Variants in RYR3 observed in about 807,000 individuals in gnomAD.
RYR3 encodes ryanodine receptor 3.
RYR3 carries 207 observed loss-of-function variants against 584.3 expected under a neutral mutation model. The observed-to-expected ratio is 0.35, with a 90% CI of 0.32 to 0.40. The LOEUF (loss-of-function observed/expected upper bound fraction) is 0.40, where lower values mean the gene tolerates loss of function less well. Among genes scored for constraint, RYR3 ranks in the 10% least tolerant of loss-of-function variants. The pLI is 1.00. For missense variants in RYR3, 5,616 were observed against 6,089.2 expected (o/e 0.92, Z 2.59); for synonymous variants, 2,416 against 2,248.5 (o/e 1.07, Z -2.11).
At chr15:33,632,139 C>T (rs547901260) in intron 23 of RYR3, among the ~76,000 whole-genome samples, 1 of 152,358 alleles carries the variant, frequency 6.6e-6, no homozygotes, top group East Asian at 1.9e-4. Flanking sequence ...TACAATAGAC[C>T]CTGCATCTCA....
chr15:33,770,717 G>A (rs1014157008), intron 62 of RYR3, among the ~76,000 whole-genome samples: 3 of 152,034 alleles, frequency 2.0e-5, no homozygotes, highest in Non-Finnish European at 4.4e-5. Context: ...CCTATGCAAC[G>A]GAGTGAGACC....
intron 2 of RYR3, among the ~76,000 whole-genome samples, chr15:33,489,893 TCTGA>T (rs2142485702): frequency 6.6e-6 from 1 of 151,458 alleles, no homozygotes; most frequent in African/African-American, 2.4e-5. Context: ...TAATGGCCGT[TCTGA>T]CTGAGATGGT....
intron 66 of RYR3, among the ~76,000 whole-genome samples, chr15:33,786,630 C>T (rs959761558): frequency 5.9e-5 from 9 of 152,098 alleles, no homozygotes; most frequent in Non-Finnish European, 1.2e-4. Context: ...AGTCAGGAAA[C>T]CACAAATATT....
intron 64 of RYR3, among the ~76,000 whole-genome samples, chr15:33,778,722 T>G (rs1417266330): frequency 1.3e-5 from 2 of 152,200 alleles, no homozygotes; most frequent in Non-Finnish European, 2.9e-5. Flanking sequence ...ATAGGACTGG[T>G]TTGTCCAAGG....
Position 33,657,200 on chromosome 15 carries a change from C to A in RYR3, c.4309-2520C>A, listed in dbSNP as rs148539126. 1.2e-4 allele frequency among the ~76,000 whole-genome samples: 19 copies of A among 152,292 alleles called. 1 individual carries two copies. The East Asian group carries it at 2.3e-3, about 19-fold the overall frequency. ...GGTGGAAAATAAACCTATCCCAGGG[C>A]ATCCTAAATGCTCTCAAAGCACTTA... is the stretch of plus-strand genomic sequence containing the variant. On this transcript the variant is annotated intron_variant, in intron 32 of 103. Coordinates refer to ENST00000634891, the MANE Select transcript of RYR3 (RefSeq NM_001036.6).
intron 16 of RYR3, among the ~76,000 whole-genome samples, chr15:33,588,349 A>C (rs1250122760): frequency 6.6e-6 from 1 of 152,218 alleles, no homozygotes; most frequent in Admixed American, 6.5e-5. Flanking sequence ...CATGTTCTTT[A>C]GAATCCAAAT....
At chr15:33,760,901 C>T (rs971141331) in intron 60 of RYR3, among the ~76,000 whole-genome samples, 3 of 152,178 alleles carry the variant, frequency 2.0e-5, no homozygotes, top group African/African-American at 7.2e-5. Flanking sequence ...CAAACTGTCT[C>T]TCAGACCACA....
chr15:33,739,864 G>A lies in RYR3; in HGVS notation c.7689G>A (p.Leu2563=), dbSNP rs186300217. Residue 2563 remains leucine (L), a synonymous_variant, in exon 51 of 104, where the codon CTG becomes CTA. Coordinates refer to ENST00000634891, the MANE Select transcript of RYR3 (RefSeq NM_001036.6). The part of the protein sequence containing the change: ...KYDPDLFRMA[L]PCLSAIAGAL... ...ACCCAGATCTTTTCCGAATGGCCCT[G>A]CCTTGTCTCAGTGCTATAGCTGGGG... is the stretch of plus-strand genomic sequence containing the variant. The A allele has an allele frequency of 3.2e-4, 519 of 1,613,670 alleles. No homozygotes were observed. The African/African-American group carries it at 6.1e-3, about 19-fold the overall frequency.
intron 3 of RYR3, among the ~76,000 whole-genome samples, chr15:33,514,473 C>G (rs569167405): frequency 3.4e-4 from 52 of 152,158 alleles, no homozygotes; most frequent in African/African-American, 1.1e-3. Context: ...TGCTTTTAAA[C>G]GCCCTTCTCT....
chr15:33,466,566 G>A (rs2048502531), intron 1 of RYR3, among the ~76,000 whole-genome samples: 1 of 152,140 alleles, frequency 6.6e-6, no homozygotes, highest in South Asian at 2.1e-4. Context: ...CATTGTTGCT[G>A]GAGATACAAT....
intron 75 of RYR3, 84 bp downstream of exon 75, chr15:33,817,042 C>A: frequency 1.2e-6 from 1 of 807,944 alleles, no homozygotes; most frequent in Non-Finnish European, 2.1e-6. Flanking sequence ...AACAGTTAAA[C>A]ATTCACAAGG....
intron 20 of RYR3, 49 bp downstream of exon 20, chr15:33,624,072 G>C: frequency 8.1e-7 from 1 of 1,229,296 alleles, no homozygotes; most frequent in Non-Finnish European, 1.2e-6. Context: ...TGAAGCAATA[G>C]AGTTAAATAC....
chr15:33,534,963 CAGTA>C lies in RYR3; in HGVS notation c.433+1577_433+1580del, dbSNP rs1339630465. ...CAAGAGAACTTGATTCAGGTTAACT[CAGTA>C]AGAATAAGAATTTACTAGAAGGATG... On this transcript the variant is annotated intron_variant, in intron 5 of 103. Coordinates refer to ENST00000634891, the MANE Select transcript of RYR3 (RefSeq NM_001036.6). 1.2e-4 allele frequency among the ~76,000 whole-genome samples: 18 copies of C among 152,300 alleles called. No individual in the cohort carries two copies. In the East Asian group the frequency reaches 3.5e-3, roughly 29 times the overall value.
At chr15:33,668,557 A>G (rs2063627494) in intron 36 of RYR3, among the ~76,000 whole-genome samples, 1 of 152,236 alleles carries the variant, frequency 6.6e-6, no homozygotes, top group South Asian at 2.1e-4. Flanking sequence ...AACAAATTTC[A>G]ACCTCACCAA....
intron 17 of RYR3, among the ~76,000 whole-genome samples, chr15:33,602,671 T>C (rs2059720240): frequency 6.6e-6 from 1 of 151,708 alleles, no homozygotes; most frequent in Non-Finnish European, 1.5e-5. Flanking sequence ...AATGAAAATG[T>C]TGTCCTCTTG....
chr15:33,398,945 T>C (rs1405445538), intron 1 of RYR3, among the ~76,000 whole-genome samples: 1 of 152,174 alleles, frequency 6.6e-6, no homozygotes, highest in Non-Finnish European at 1.5e-5. Context: ...TCTCAGATTG[T>C]GGGGGCATTG....
chr15:33,693,099 G>T (rs1179418465), intron 38 of RYR3, among the ~76,000 whole-genome samples: 2 of 152,336 alleles, frequency 1.3e-5, no homozygotes, highest in Admixed American at 6.5e-5. Flanking sequence ...TCAAGCCAAG[G>T]TATAGGTTTT....
intron 1 of RYR3, among the ~76,000 whole-genome samples, chr15:33,353,832 T>C (rs1567080989): frequency 6.6e-6 from 1 of 152,182 alleles, no homozygotes; most frequent in Non-Finnish European, 1.5e-5. Context: ...TATATAAGAA[T>C]AACACATCCC....
chr15:33,424,635 A>G (rs1368028832), intron 1 of RYR3, among the ~76,000 whole-genome samples: 1 of 152,180 alleles, frequency 6.6e-6, no homozygotes, highest in Non-Finnish European at 1.5e-5. Context: ...TCTGAAGCCT[A>G]TAAAAAGATT....
Sources: gnomAD v4.1 joint callset for allele counts (sites outside exome capture counted in the v4.1 genomes callset) on GRCh38, gnomAD v4.1.1 for gene constraint, MANE v1.5 for transcripts, NCBI Gene and HGNC (gene_info 2026-07-23, HGNC 2026-07-21) for gene names.